Variants in KCNQ1 observed in about 807,000 individuals in gnomAD.
KCNQ1 encodes the protein potassium voltage-gated channel subfamily Q member 1, also known as potassium voltage-gated channel subfamily KQT member 1.
In KCNQ1, 49 loss-of-function variants were observed where a neutral mutation model predicts 72.4. The observed-to-expected ratio is 0.68, with a 90% confidence interval of 0.54 to 0.86. The LOEUF (loss-of-function observed/expected upper bound fraction) is 0.86, where lower values mean the gene tolerates loss of function less well. Ranked by LOEUF, KCNQ1 falls within the 40% of genes least tolerant of loss-of-function variation. The pLI is 0.00. For synonymous variants in KCNQ1, 450 were observed against 412.6 expected, an observed-to-expected ratio of 1.09 and a Z score of -1.10; for missense variants, 790 against 945.1, an observed-to-expected ratio of 0.84 and a Z score of 2.15.
intron 10 of KCNQ1, chr11:2,631,294 C>A: frequency 2.5e-6 from 1 of 398,440 alleles, no homozygotes; most frequent in South Asian, 1.3e-4. Context: ...TATTTTTCTC[C>A]TCTACTGGTT....
At chr11:2,799,297 C>G (rs768158682) in intron 15 of KCNQ1, among the ~76,000 whole-genome samples, 1 of 152,202 alleles carries the variant, frequency 6.6e-6, no homozygotes, top group Non-Finnish European at 1.5e-5. Flanking sequence ...CAGGAGGTCA[C>G]TGTTGTGGTG....
chr11:2,594,830 T>C (rs1471417616), intron 10 of KCNQ1, among the ~76,000 whole-genome samples: 2 of 152,246 alleles, frequency 1.3e-5, no homozygotes, highest in African/African-American at 2.4e-5. Context: ...CCCTCTATCC[T>C]GTCATTTCAT....
chr11:2,666,533 T>A (rs1445153644), intron 11 of KCNQ1: 2 of 398,556 alleles, frequency 5.0e-6, no homozygotes, highest in African/African-American at 2.1e-5. Flanking sequence ...TTCATCCACA[T>A]CACTACTAAT....
chr11:2,519,783 AC>A (rs1564804552), intron 1 of KCNQ1, among the ~76,000 whole-genome samples: 5 of 80,632 alleles, frequency 6.2e-5, no homozygotes, highest in African/African-American at 2.2e-4. Context: ...GCCCCCCCCC[AC>A]AACATTGGTT....
At chr11:2,472,952 G>A (rs1045135747) in intron 1 of KCNQ1, among the ~76,000 whole-genome samples, 1 of 152,060 alleles carries the variant, frequency 6.6e-6, no homozygotes, top group Non-Finnish European at 1.5e-5. Flanking sequence ...AGATGGGCAT[G>A]AGCAGAGGGG....
rs1845921287 is a variant in KCNQ1 at position 2,734,537 on chromosome 11, G to A, written c.1515-34307G>A. Among the ~76,000 whole-genome samples the A allele has an allele frequency of 6.6e-6, 1 of 152,172 alleles. No individual in the cohort carries two copies. Among genetic ancestry groups the A allele is most frequent in the Non-Finnish European group, 1.5e-5 (1 of 68,022 alleles). On this transcript the variant is annotated intron_variant, in intron 11 of 15. Coordinates refer to ENST00000155840, the MANE Select transcript of KCNQ1 (RefSeq NM_000218.3). This position sits in a 1 kb window ranked among gnomAD's most constrained non-coding sequence, Gnocchi z 7.0. ...CGGGCCCCTTGGCTGAGAGCCAGAT[G>A]TGGGGAGCGGGGCTGTCGAGGCTGA...
At chr11:2,472,547 C>A (rs1276857829) in intron 1 of KCNQ1, among the ~76,000 whole-genome samples, 1 of 152,074 alleles carries the variant, frequency 6.6e-6, no homozygotes, top group Non-Finnish European at 1.5e-5. Flanking sequence ...GTGGCCTGGG[C>A]TACTTTGTGG....
At chr11:2,794,919 C>G (rs146977470) in intron 15 of KCNQ1, among the ~76,000 whole-genome samples, 4 of 152,314 alleles carry the variant, frequency 2.6e-5, no homozygotes, top group African/African-American at 9.6e-5. Context: ...GACCAATGTA[C>G]AGAGACCAGG....
At chr11:2,580,205 C>A (rs562930266) in intron 6 of KCNQ1, among the ~76,000 whole-genome samples, 2 of 152,048 alleles carry the variant, frequency 1.3e-5, no homozygotes, top group East Asian at 2.0e-4. Flanking sequence ...GCCCAGCCCC[C>A]CTCAGGCCAA....
chr11:2,653,734 A>G lies in KCNQ1; in HGVS notation c.1394-8227A>G, dbSNP rs7932936. 235 of 398,654 alleles carry G rather than the reference A, an allele frequency of 5.9e-4. 2 individuals carry two copies. Among genetic ancestry groups the G allele is most frequent in the African/African-American group, 4.3e-3 (212 of 48,768 alleles). The allele number at this position is 398,654 out of a possible 1,614,324, so 24.7% of individuals were successfully genotyped here. ...TCTTCCAGGATTCCTGCCAGAATCT[A>G]AGGCCAGGTTCTTATTGGCCTCAGC... On this transcript the variant is annotated intron_variant, in intron 10 of 15. Coordinates refer to ENST00000155840, the MANE Select transcript of KCNQ1 (RefSeq NM_000218.3). The surrounding 1 kb of genome is among the most constrained non-coding windows in gnomAD (Gnocchi z 5.3).
rs78979288 is a variant in KCNQ1, at chr11:2,688,370, G to T, written c.1514+26289G>T. The stretch of plus-strand genomic sequence containing the variant: ...CCTCTCGTGTCTGGGGAACTTCCCC[G>T]TAGAGGTTTCAATAACTGCCATCCT... On this transcript the variant is annotated intron_variant, in intron 11 of 15. Coordinates refer to ENST00000155840, the MANE Select transcript of KCNQ1 (RefSeq NM_000218.3). 2,683 of 398,756 alleles carry T rather than the reference G, an allele frequency of 6.7e-3. 48 individuals are homozygous for T. Among genetic ancestry groups the T allele is most frequent in the African/African-American group, 0.05 (2,415 of 48,744 alleles). The allele number at this position is 398,756 out of a possible 1,614,324, so 24.7% of individuals were successfully genotyped here.
intron 11 of KCNQ1, among the ~76,000 whole-genome samples, chr11:2,760,926 A>G (rs560342902): frequency 4.7e-4 from 72 of 152,266 alleles, no homozygotes; most frequent in African/African-American, 1.4e-3. Flanking sequence ...CTGAAGCCCC[A>G]TGGGTGTGTG....
rs997825076 is a variant in KCNQ1 at position 2,446,881 on chromosome 11, G to C, written c.386+1397G>C. The stretch of plus-strand genomic sequence containing the variant: ...TCGGCTTGGGGTTTGGGAGATATTT[G>C]TGTGCAGTGACCCCAGGGGAACCCA... On this transcript the variant is annotated intron_variant, in intron 1 of 15. Coordinates refer to ENST00000155840, the MANE Select transcript of KCNQ1 (RefSeq NM_000218.3). This position sits in a 1 kb window ranked among gnomAD's most constrained non-coding sequence, Gnocchi z 8.8. Among the ~76,000 whole-genome samples the C allele has an allele frequency of 7.2e-5, 11 of 152,192 alleles. No homozygotes were observed. Among genetic ancestry groups the C allele is most frequent in the African/African-American group, 2.7e-4 (11 of 41,442 alleles).
rs1382767630 is a variant in KCNQ1, at chr11:2,813,590, G to C, written c.1795-34177G>C. 6.6e-6 allele frequency among the ~76,000 whole-genome samples: 1 copy of C among 152,076 alleles called. No individual in the cohort carries two copies. The highest frequency in any genetic ancestry group is 1.5e-5 in the Non-Finnish European group (1 of 68,018). ...ACATGGAGTATGTCCTCTGTCGAGG[G>C]GGCAGGGACTCAAAGGATGAGAGAA... On this transcript the variant is annotated intron_variant, in intron 15 of 15. Coordinates refer to ENST00000155840, the MANE Select transcript of KCNQ1 (RefSeq NM_000218.3). The surrounding 1 kb of genome is among the most constrained non-coding windows in gnomAD (Gnocchi z 4.4).
intron 15 of KCNQ1, among the ~76,000 whole-genome samples, chr11:2,800,605 A>G (rs1446560749): frequency 6.6e-6 from 1 of 152,232 alleles, no homozygotes; most frequent in Non-Finnish European, 1.5e-5. Flanking sequence ...GGGCCAGAGC[A>G]GCTGTGGCCG....
intron 15 of KCNQ1, among the ~76,000 whole-genome samples, chr11:2,786,231 A>G (rs1171227924): frequency 5.3e-5 from 8 of 152,114 alleles, no homozygotes; most frequent in Admixed American, 3.3e-4. Context: ...GGTTATCAAA[A>G]TTCTTTTTTC....
rs1479189316 is a variant in KCNQ1 at position 2,451,773 on chromosome 11, C to T, written c.386+6289C>T. On this transcript the variant is annotated intron_variant, in intron 1 of 15. Transcript: ENST00000155840. This position sits in a 1 kb window ranked among gnomAD's most constrained non-coding sequence, Gnocchi z 6.4. ...CTCTGCTCCCCATTTCGCTCCTCCA[C>T]TCACAGATGAGGACATTTGGGTCGC... 6.6e-6 allele frequency among the ~76,000 whole-genome samples: 1 copy of T among 152,156 alleles called. No homozygotes were observed. Among genetic ancestry groups the T allele is most frequent in the Non-Finnish European group, 1.5e-5 (1 of 68,026 alleles).
At chr11:2,774,337 C>T (rs897187005) in intron 12 of KCNQ1, among the ~76,000 whole-genome samples, 5 of 152,216 alleles carry the variant, frequency 3.3e-5, no homozygotes, top group East Asian at 1.9e-4. Flanking sequence ...GCAATGCCGG[C>T]GATCCTGGTG....
intron 10 of KCNQ1, among the ~76,000 whole-genome samples, chr11:2,607,656 T>G (rs898158519): frequency 6.6e-6 from 1 of 152,212 alleles, no homozygotes; most frequent in Non-Finnish European, 1.5e-5. Flanking sequence ...AATTTCTGTG[T>G]TTATAAGCCA....
Sources: gnomAD v4.1 joint callset for allele counts (sites outside exome capture counted in the v4.1 genomes callset) on GRCh38, gnomAD v4.1.1 for gene constraint, Gnocchi (gnomAD v3.1) non-coding constraint, MANE v1.5 for transcripts, NCBI Gene and HGNC (gene_info 2026-07-23, HGNC 2026-07-21) for gene names.